MTR: variants seen among roughly 807,000 people sequenced by gnomAD.
The protein encoded by MTR is methionine synthase.
MTR carries 84 observed loss-of-function variants against 154.8 expected under a neutral mutation model. The observed-to-expected ratio is 0.54, with a 90% CI of 0.45 to 0.65. The LOEUF (loss-of-function observed/expected upper bound fraction) is 0.65. Ranked by LOEUF, MTR falls within the 30% of genes least tolerant of loss-of-function variation. MTR has a pLI of 0.00. For missense variants in MTR, 1,275 were observed against 1,570.2 expected (o/e 0.81, Z 3.18); for synonymous variants, 554 against 553.9 (o/e 1.00, Z 0.00).
rs1404042577 is a variant in MTR, at chr1:236,901,568, C to T, written c.*3924C>T. The T allele has an allele frequency of 1.3e-5, 2 of 152,204 alleles. No homozygotes were observed. Among genetic ancestry groups the T allele is most frequent in the Non-Finnish European group, 2.9e-5 (2 of 68,048 alleles). The allele number at this position is 152,204 out of a possible 1,614,324, so 9.4% of individuals were successfully genotyped here. On this transcript the variant is annotated 3_prime_UTR_variant, in exon 33 of 33. Transcript: ENST00000366577. ...CTCCTGCTCCTGTAACAAAATACCA[C>T]AAACTGGTTAGCTTATAGAGAACAG...
At chr1:236,840,377 C>T (rs540129907) in intron 15 of MTR, among the ~76,000 whole-genome samples, 5 of 152,256 alleles carry the variant, frequency 3.3e-5, no homozygotes, top group Non-Finnish European at 2.9e-5. Context: ...CAGGACTTGG[C>T]GGTTGTCACA....
chr1:236,882,371 G>A (rs899291948), intron 25 of MTR, among the ~76,000 whole-genome samples: 13 of 148,752 alleles, frequency 8.7e-5, no homozygotes, highest in African/African-American at 2.7e-4. Context: ...TTCCATGTTT[G>A]GAGGACAAAC....
chr1:236,829,365 A>G (rs1662479934), intron 12 of MTR, 97 bp downstream of exon 12: 2 of 1,012,616 alleles, frequency 2.0e-6, no homozygotes, highest in Admixed American at 3.4e-5. Flanking sequence ...CAGCTTGCTT[A>G]TTAGGTCGAA....
chr1:236,824,355 T>A (rs1481334657), intron 9 of MTR, 136 bp downstream of exon 9: 2 of 808,836 alleles, frequency 2.5e-6, no homozygotes, highest in Non-Finnish European at 4.2e-6. Flanking sequence ...ATGAAGAGTG[T>A]CTGGGTGCAG....
At chr1:236,885,069 C>A in intron 25 of MTR, 52 bp from the exon 26 acceptor site, 2 of 1,132,690 alleles carry the variant, frequency 1.8e-6, no homozygotes, top group Non-Finnish European at 2.7e-6. Flanking sequence ...TTGACCATTA[C>A]TACACCAGTT....
Position 236,850,403 on chromosome 1 carries a change from A to G in MTR, c.1575A>G (p.Lys525=), listed in dbSNP as rs199700767. 1.2e-5 allele frequency: 20 copies of G among 1,613,754 alleles called. 2 individuals are homozygous for G. The Admixed American group carries it at 3.2e-4, about 26-fold the overall frequency. ...VCTRAYHLLV[K]KLGFNPNDII... ...CCCGGGCCTACCATCTGCTTGTGAAAAAACTGGGCTTTAATCCAAATGACA... is the reference window on the plus strand; with the variant it reads ...CCCGGGCCTACCATCTGCTTGTGAAGAAACTGGGCTTTAATCCAAATGACA... Residue 525 remains lysine, a synonymous_variant, in exon 16 of 33, where the codon AAA becomes AAG. Coordinates refer to ENST00000366577, the MANE Select transcript of MTR (RefSeq NM_000254.3).
At chr1:236,822,172 C>G (rs1168319622) in intron 8 of MTR, among the ~76,000 whole-genome samples, 1 of 152,046 alleles carries the variant, frequency 6.6e-6, no homozygotes, top group Non-Finnish European at 1.5e-5. Context: ...TTGTCTTCCT[C>G]TTCATAAACT....
chr1:236,865,569 T>G (rs1664777614), intron 22 of MTR, among the ~76,000 whole-genome samples: 1 of 152,178 alleles, frequency 6.6e-6, no homozygotes, highest in Admixed American at 6.5e-5. Flanking sequence ...GATAACAATG[T>G]TTTTTCTTTG....
Position 236,803,609 on chromosome 1 carries a change from A to G in MTR, c.216A>G (p.Ile72Met), listed in dbSNP as rs750927351. 1 of 1,614,160 alleles carries G rather than the reference A, an allele frequency of 6.2e-7. No individual in the cohort carries two copies. The highest frequency in any genetic ancestry group is 8.5e-7 in the Non-Finnish European group (1 of 1,179,998). The change falls in exon 2 of 33, where the codon ATA becomes ATG. Residue 72 changes from isoleucine to methionine, a missense_variant. Physicochemically the swap from Ile to Met is conservative, Grantham distance 10 (BLOSUM62 1). Coordinates refer to ENST00000366577, the MANE Select transcript of MTR (RefSeq NM_000254.3). ...PLKGNNDILS[I>M]TQPDVIYQIH... ...AAGGCAACAATGACATTTTAAGTATAACTCAGCCTGATGTCATTTACCAAA... is the reference window on the plus strand; with the variant it reads ...AAGGCAACAATGACATTTTAAGTATGACTCAGCCTGATGTCATTTACCAAA...
intron 12 of MTR, 102 bp downstream of exon 12, chr1:236,829,370 G>A: frequency 1.0e-6 from 1 of 970,106 alleles, no homozygotes; most frequent in Non-Finnish European, 1.7e-6. Context: ...TGCTTATTAG[G>A]TCGAAGAAGA....
At chr1:236,859,078 A>G (rs1664374065) in intron 18 of MTR, among the ~76,000 whole-genome samples, 1 of 152,182 alleles carries the variant, frequency 6.6e-6, no homozygotes, top group Admixed American at 6.5e-5. Flanking sequence ...CTTTGGCTCT[A>G]ACGGAATACC....
chr1:236,816,589 C>T, intron 8 of MTR, 46 bp downstream of exon 8: 1 of 1,500,868 alleles, frequency 6.7e-7, no homozygotes, highest in Non-Finnish European at 9.3e-7. Context: ...TTTGGGGAAC[C>T]TTTTCTGATG....
At chr1:236,820,304 A>T in intron 8 of MTR, 2 of 753,320 alleles carry the variant, frequency 2.7e-6, no homozygotes, top group South Asian at 2.7e-5. Flanking sequence ...ACTGTGACCA[A>T]GGAGGAGTTT....
chr1:236,852,439 A>T, intron 16 of MTR, 82 bp from the exon 17 acceptor site: 1 of 981,330 alleles, frequency 1.0e-6, no homozygotes, highest in South Asian at 1.3e-5. Flanking sequence ...TTTTCTTTCC[A>T]CTCCTATATA....
intron 22 of MTR, among the ~76,000 whole-genome samples, chr1:236,866,761 T>G (rs1206280634): frequency 6.6e-6 from 1 of 152,130 alleles, no homozygotes; most frequent in African/African-American, 2.4e-5. Context: ...AAAGTTTGAG[T>G]GGTCTGGATA....
intron 25 of MTR, among the ~76,000 whole-genome samples, chr1:236,881,158 C>T (rs1572324182): frequency 6.6e-6 from 1 of 152,136 alleles, no homozygotes; most frequent in Non-Finnish European, 1.5e-5. Context: ...GCTTGACTGT[C>T]TAAAAGGAAT....
At position 236,899,952 on chromosome 1, in the gene MTR, A is replaced by C. The variant is rs530735304; in HGVS notation, c.*2308A>C. 4.4e-5 allele frequency: 8 copies of C among 182,574 alleles called. No homozygotes were observed. In the South Asian group the frequency reaches 9.1e-4, roughly 21 times the overall value. The allele number at this position is 182,574 out of a possible 1,614,324, so 11.3% of individuals were successfully genotyped here. A position where few individuals can be genotyped will look rare whatever the true frequency, so the allele number is the denominator to read the frequency against. On this transcript the variant is annotated 3_prime_UTR_variant, in exon 33 of 33. Coordinates refer to ENST00000366577, the MANE Select transcript of MTR (RefSeq NM_000254.3). ...AGTACCAGTTGTTAGATCTGTAGGG[A>C]CTTGTACAACATTGTGGATGTGTAA...
chr1:236,886,943 T>C (rs1666043122), intron 27 of MTR, among the ~76,000 whole-genome samples: 1 of 150,992 alleles, frequency 6.6e-6, no homozygotes, highest in South Asian at 2.1e-4. Flanking sequence ...CTGTCCTCTC[T>C]CTGGATGTTT....
In MTR at chr1:236,838,682, A is replaced by T. The variant is rs566128738; in HGVS notation, c.1515+83A>T. The stretch of plus-strand genomic sequence containing the variant: ...GAAAATGCAAGTCTGAAACAGCTAC[A>T]TATATACATACACATATACATTTAT... On this transcript the variant is annotated intron_variant, in intron 15 of 32. Coordinates refer to ENST00000366577, the MANE Select transcript of MTR (RefSeq NM_000254.3). 15 of 1,373,256 alleles carry T rather than the reference A, an allele frequency of 1.1e-5. No homozygotes were observed. In the South Asian group the frequency reaches 1.8e-4, roughly 16 times the overall value. 85.1% of individuals were successfully genotyped at this position (1,373,256 alleles called of 1,614,324 possible).
Sources: allele counts gnomAD v4.1 joint callset (sites outside exome capture counted in the v4.1 genomes callset), GRCh38; gene constraint gnomAD v4.1.1; transcripts MANE v1.5; gene names NCBI Gene and HGNC (gene_info 2026-07-23, HGNC 2026-07-21).